The following MAGI2 variants were observed in gnomAD, a reference collection of about 807,000 sequenced individuals.
MAGI2 encodes membrane-associated guanylate kinase, WW and PDZ domain-containing protein 2.
MAGI2 carries 35 observed loss-of-function variants against 133.3 expected under a neutral mutation model. The ratio of observed to expected loss-of-function variants is 0.26; its 90% CI spans 0.20 to 0.35. The LOEUF (loss-of-function observed/expected upper bound fraction) is 0.35. Ranked by LOEUF, MAGI2 falls within the 10% of genes least tolerant of loss-of-function variation. The probability of loss-of-function intolerance (pLI) is 1.00; values close to 1 mark genes in which losing one functional copy is unlikely to be tolerated. For synonymous variants in MAGI2, 729 were observed against 710.6 expected, an observed-to-expected ratio of 1.03 and a Z score of -0.41; for missense variants, 1,636 against 1,863.4, an observed-to-expected ratio of 0.88 and a Z score of 2.25.
chr7:78,755,824 A>G (rs999157784), intron 2 of MAGI2, among the ~76,000 whole-genome samples: 1 of 152,202 alleles, frequency 6.6e-6, no homozygotes, highest in East Asian at 1.9e-4. Flanking sequence ...CCAGCTCAAT[A>G]AACAAATTTG....
At chr7:78,397,014 T>C (rs1462000563) in intron 6 of MAGI2, among the ~76,000 whole-genome samples, 1 of 152,122 alleles carries the variant, frequency 6.6e-6, no homozygotes, top group Non-Finnish European at 1.5e-5. Context: ...GAACCTGATA[T>C]CCCAGACCCT....
At position 79,098,141 on chromosome 7, in the gene MAGI2, G is replaced by A. The variant is rs142398013; in HGVS notation, c.302-90935C>T. ...TGTTTCAAAAAAAAATAGCAGATGC[G>A]CAATTTTTATTCTTTCCTTCCTCCT... On this transcript the variant is annotated intron_variant, in intron 1 of 21. Coordinates refer to ENST00000354212, the MANE Select transcript of MAGI2 (RefSeq NM_012301.4). 3.9e-5 allele frequency among the ~76,000 whole-genome samples: 6 copies of A among 152,180 alleles called. No individual in the cohort carries two copies. In the East Asian group the frequency reaches 5.8e-4, roughly 15 times the overall value.
intron 16 of MAGI2, among the ~76,000 whole-genome samples, chr7:78,151,489 G>A (rs1823866750): frequency 6.6e-6 from 1 of 152,136 alleles, no homozygotes; most frequent in African/African-American, 2.4e-5. Context: ...GCCACTGCCT[G>A]GCCCTTCGGA....
intron 1 of MAGI2, among the ~76,000 whole-genome samples, chr7:79,256,403 C>G (rs549886725): frequency 4.7e-4 from 72 of 151,664 alleles, no homozygotes; most frequent in South Asian, 2.7e-3. Context: ...GTTCATTGCT[C>G]AGGAGTTTCT....
chr7:78,394,141 A>C (rs750629531), intron 6 of MAGI2, among the ~76,000 whole-genome samples: 7 of 152,120 alleles, frequency 4.6e-5, no homozygotes, highest in Non-Finnish European at 8.8e-5. Flanking sequence ...CAGCTCAAGA[A>C]GAGAGAGGGT....
intron 10 of MAGI2, among the ~76,000 whole-genome samples, chr7:78,226,105 T>TG (rs1789348441): frequency 6.6e-6 from 1 of 152,052 alleles, no homozygotes; most frequent in African/African-American, 2.4e-5. Flanking sequence ...GATATAAAAT[T>TG]ACTCATGTCA....
intron 2 of MAGI2, among the ~76,000 whole-genome samples, chr7:78,721,982 T>G (rs1390249587): frequency 6.6e-6 from 1 of 151,752 alleles, no homozygotes; most frequent in African/African-American, 2.4e-5. Context: ...TTACTTTTAG[T>G]GAGAGCAAAA....
chr7:78,087,783 A>G (rs977537555), intron 20 of MAGI2, among the ~76,000 whole-genome samples: 1 of 152,216 alleles, frequency 6.6e-6, no homozygotes, highest in African/African-American at 2.4e-5. Flanking sequence ...CCAAACCCTA[A>G]ACTAATACAG....
intron 1 of MAGI2, among the ~76,000 whole-genome samples, chr7:79,259,213 TC>T (rs1433303941): frequency 6.6e-6 from 1 of 152,198 alleles, no homozygotes; most frequent in Non-Finnish European, 1.5e-5. Context: ...TAAACTTCTG[TC>T]CCTTAGAGTA....
chr7:79,424,842 A>C (rs986691188), intron 1 of MAGI2, among the ~76,000 whole-genome samples: 21 of 152,178 alleles, frequency 1.4e-4, no homozygotes, highest in Non-Finnish European at 2.8e-4. Context: ...TCTGAATATC[A>C]TGTAATGAAA....
At chr7:79,096,412 T>C (rs183971509) in intron 1 of MAGI2, among the ~76,000 whole-genome samples, 7 of 152,286 alleles carry the variant, frequency 4.6e-5, no homozygotes, top group Admixed American at 4.6e-4. Flanking sequence ...CTTCCTTCTA[T>C]TGCTAGTCCC....
chr7:78,853,789 A>G (rs1163910421), intron 2 of MAGI2, among the ~76,000 whole-genome samples: 3 of 151,732 alleles, frequency 2.0e-5, no homozygotes, highest in African/African-American at 7.3e-5. Flanking sequence ...TAATTTCCAC[A>G]TTCACCCCTC....
intron 9 of MAGI2, among the ~76,000 whole-genome samples, chr7:78,332,094 T>C (rs74450124): frequency 0.014 from 2,151 of 152,272 alleles, 58 homozygotes; most frequent in African/African-American, 0.049. Context: ...GCAGCAGAGA[T>C]GAGAACCTAG....
At chr7:78,737,200 C>G (rs910193784) in intron 2 of MAGI2, among the ~76,000 whole-genome samples, 1 of 152,050 alleles carries the variant, frequency 6.6e-6, no homozygotes, top group Admixed American at 6.6e-5. Context: ...GATAAGCTTC[C>G]CAATATATAA....
chr7:78,602,280 C>T (rs1001877942), intron 3 of MAGI2, among the ~76,000 whole-genome samples: 1 of 152,116 alleles, frequency 6.6e-6, no homozygotes, highest in Non-Finnish European at 1.5e-5. Flanking sequence ...CTACCTCAGA[C>T]TCCTGAGTAG....
intron 3 of MAGI2, among the ~76,000 whole-genome samples, chr7:78,596,532 G>A (rs1011744815): frequency 3.9e-5 from 6 of 152,066 alleles, no homozygotes; most frequent in African/African-American, 1.4e-4. Context: ...AGTAAAACTA[G>A]GATTAAGATC....
At chr7:79,305,611 T>A (rs540492257) in intron 1 of MAGI2, among the ~76,000 whole-genome samples, 9 of 152,304 alleles carry the variant, frequency 5.9e-5, no homozygotes, top group African/African-American at 1.7e-4. Context: ...CTAAAATAAT[T>A]ATTTAAAAAG....
At chr7:78,875,824 A>T (rs1795375035) in intron 2 of MAGI2, among the ~76,000 whole-genome samples, 1 of 152,210 alleles carries the variant, frequency 6.6e-6, no homozygotes, top group South Asian at 2.1e-4. Context: ...TAAAATGTTT[A>T]AAAATATGAT....
At chr7:78,922,298 C>CGTCATTTAG (rs1799311853) in intron 2 of MAGI2, among the ~76,000 whole-genome samples, 1 of 151,446 alleles carries the variant, frequency 6.6e-6, no homozygotes, top group Non-Finnish European at 1.5e-5. Flanking sequence ...CCCATTAAGT[C>CGTCATTTAG]GTCATTTAGC....
Sources: gnomAD v4.1 joint callset for allele counts (sites outside exome capture counted in the v4.1 genomes callset) on GRCh38, gnomAD v4.1.1 for gene constraint, MANE v1.5 for transcripts, NCBI Gene and HGNC (gene_info 2026-07-23, HGNC 2026-07-21) for gene names.